TBC1D24: variants seen among roughly 807,000 people sequenced by gnomAD.
TBC1D24 encodes the protein Infantile myoclonic epilepsy.
TBC1D24 carries 47 observed loss-of-function variants against 50.7 expected under a neutral mutation model. The observed-to-expected ratio is 0.93, with a 90% CI of 0.73 to 1.18. The LOEUF is 1.18. TBC1D24 is among the 50% of genes most tolerant of loss of function. The probability of loss-of-function intolerance (pLI) is 0.00; values close to 1 mark genes in which losing one functional copy is unlikely to be tolerated. For synonymous variants in TBC1D24, 324 were observed against 335.2 expected, an observed-to-expected ratio of 0.97 and a Z score of 0.36; for missense variants, 688 against 766.5, an observed-to-expected ratio of 0.90 and a Z score of 1.21.
Position 2,498,287 on chromosome 16 carries a change from G to A in TBC1D24, c.1033G>A (p.Val345Ile), listed in dbSNP as rs777515811. The A allele has an allele frequency of 1.9e-6, 3 of 1,611,778 alleles. No individual in the cohort carries two copies. The highest frequency in any genetic ancestry group is 2.5e-6 in the Non-Finnish European group (3 of 1,178,980). ...VHAENFRSEIVSVREMRDIWS... is the reference protein window; with the variant it reads ...VHAENFRSEIISVREMRDIWS... ...TGCAGAGAACTTCCGCTCGGAGATC[G>A]TCAGCGTGAGGGAGATGAGAGACAT... Residue 345 changes from valine (V) to isoleucine (I), a missense_variant, in exon 4 of 8, where the codon GTC becomes ATC. Coordinates refer to ENST00000646147, the MANE Select transcript of TBC1D24 (RefSeq NM_001199107.2).
intron 1 of TBC1D24, among the ~76,000 whole-genome samples, chr16:2,494,446 AT>A (rs1430483162): frequency 6.6e-6 from 1 of 151,468 alleles, no homozygotes; most frequent in African/African-American, 2.4e-5. Context: ...AGAACGAAGC[AT>A]CTCTTTGCTC....
rs2065615763 is a variant in TBC1D24, at chr16:2,482,288, G to A, written c.-116+7118G>A. On this transcript the variant is annotated intron_variant, in intron 1 of 7. Transcript: ENST00000646147. This position sits in a 1 kb window ranked among gnomAD's most constrained non-coding sequence, Gnocchi z 5.2. Reference sequence around the variant, plus strand: ...TGCAGAAGTCACGGTGTGGTAGCAGGGCTGGGTGGATAAGCCAGCACCACG... The same window carrying A: ...TGCAGAAGTCACGGTGTGGTAGCAGAGCTGGGTGGATAAGCCAGCACCACG... 6.6e-6 allele frequency: 1 copy of A among 152,438 alleles called. No individual in the cohort carries two copies. Among genetic ancestry groups the A allele is most frequent in the Admixed American group, 6.5e-5 (1 of 15,282 alleles). The allele number at this position is 152,438 out of a possible 1,614,324, so 9.4% of individuals were successfully genotyped here. A position where few individuals can be genotyped will look rare whatever the true frequency, so the allele number is the denominator to read the frequency against.
chr16:2,491,611 G>C (rs781767647), intron 1 of TBC1D24, among the ~76,000 whole-genome samples: 1 of 149,354 alleles, frequency 6.7e-6, no homozygotes, highest in African/African-American at 2.5e-5. Flanking sequence ...CTAGAGTGCA[G>C]TGGCTCCATC....
intron 1 of TBC1D24, among the ~76,000 whole-genome samples, chr16:2,495,153 G>C (rs989099794): frequency 2.0e-5 from 3 of 152,146 alleles, no homozygotes; most frequent in Admixed American, 2.0e-4. Context: ...AGGAGTTTAA[G>C]ACCAGTCTGG....
chr16:2,488,581 G>T (rs528370346), intron 1 of TBC1D24, among the ~76,000 whole-genome samples: 1 of 133,916 alleles, frequency 7.5e-6, no homozygotes, highest in Non-Finnish European at 1.5e-5. Context: ...GTGCAATCTC[G>T]GCTCACTGGA....
rs895224486 is a variant in TBC1D24 at position 2,485,764 on chromosome 16, AC to A, written c.-115-10265del. Among the ~76,000 whole-genome samples, 6 of 151,958 alleles carry A rather than the reference AC, an allele frequency of 3.9e-5. No individual in the cohort carries two copies. The highest frequency in any genetic ancestry group is 1.5e-4 in the African/African-American group (6 of 41,360). The stretch of plus-strand genomic sequence containing the variant: ...AATGGATTGCTTGCTGCCGGGAGAA[AC>A]CCCCGCATCTTCTGGGTCGCAGATC... On this transcript the variant is annotated intron_variant, in intron 1 of 7. Coordinates refer to ENST00000646147, the MANE Select transcript of TBC1D24 (RefSeq NM_001199107.2). This position sits in a 1 kb window ranked among gnomAD's most constrained non-coding sequence, Gnocchi z 4.6.
rs2065655943 is a variant in TBC1D24 at position 2,487,028 on chromosome 16, G to C, written c.-115-9006G>C. ...GATTTTTGTAAACGCAGATCTGATCGGGTCACCTGCCTAGACTTTCCTCCT... is the reference window on the plus strand; with the variant it reads ...GATTTTTGTAAACGCAGATCTGATCCGGTCACCTGCCTAGACTTTCCTCCT... On this transcript the variant is annotated intron_variant, in intron 1 of 7. Transcript: ENST00000646147. This position sits in a 1 kb window ranked among gnomAD's most constrained non-coding sequence, Gnocchi z 4.1. 6.6e-6 allele frequency among the ~76,000 whole-genome samples: 1 copy of C among 152,146 alleles called. No homozygotes were observed. Among genetic ancestry groups the C allele is most frequent in the Non-Finnish European group, 1.5e-5 (1 of 68,030 alleles).
chr16:2,497,622 G>T (rs536368795), intron 2 of TBC1D24, 88 bp from the exon 3 acceptor site: 2 of 1,339,214 alleles, frequency 1.5e-6, no homozygotes, highest in Non-Finnish European at 2.1e-6. Flanking sequence ...GCCAGCAAAG[G>T]CCTGTCGGGG....
rs901354911 is a variant in TBC1D24, at chr16:2,504,414, C to CTTTTTTTTTTTTTTTTTTTTT, written c.*3458_*3478dup. 5 of 125,658 alleles carry CTTTTTTTTTTTTTTTTTTTTT rather than the reference C, an allele frequency of 4.0e-5. 1 individual carries two copies. Among genetic ancestry groups the CTTTTTTTTTTTTTTTTTTTTT allele is most frequent in the African/African-American group, 1.3e-4 (4 of 29,984 alleles). 7.8% of individuals were successfully genotyped at this position (125,658 alleles called of 1,614,324 possible). Reference sequence around the variant, plus strand: ...AACCACAGGCCTATTGAGATTGTCCCTTTTTTTTTTTTTTTTTTTTTTGAG... The same window carrying CTTTTTTTTTTTTTTTTTTTTT: ...AACCACAGGCCTATTGAGATTGTCCCTTTTTTTTTTTTTTTTTTTTTTTTTTTTTTTTTTTTTTTTTTTGAG... On this transcript the variant is annotated 3_prime_UTR_variant, in exon 8 of 8. Coordinates refer to ENST00000646147, the MANE Select transcript of TBC1D24 (RefSeq NM_001199107.2).
chr16:2,501,122 T>C lies in TBC1D24; in HGVS notation c.*164T>C. ...CGTTGCCTGGACCTGCTGCTGCCTC[T>C]ACCTGGGGTTTGGGCTGGGCTTCCC... On this transcript the variant is annotated 3_prime_UTR_variant, in exon 8 of 8. Coordinates refer to ENST00000646147, the MANE Select transcript of TBC1D24 (RefSeq NM_001199107.2). 2.2e-6 allele frequency: 2 copies of C among 895,416 alleles called. No homozygotes were observed. The highest frequency in any genetic ancestry group is 3.4e-6 in the Non-Finnish European group (2 of 595,768). The allele number at this position is 895,416 out of a possible 1,614,324, so 55.5% of individuals were successfully genotyped here. A position where few individuals can be genotyped will look rare whatever the true frequency, so the allele number is the denominator to read the frequency against.
intron 1 of TBC1D24, among the ~76,000 whole-genome samples, chr16:2,494,743 C>T (rs550771765): frequency 6.6e-5 from 10 of 152,240 alleles, no homozygotes; most frequent in African/African-American, 2.4e-4. Flanking sequence ...AACTCTATCT[C>T]TAGCCTCTCA....
chr16:2,500,129 C>A lies in TBC1D24; in HGVS notation c.1303-139C>A. 1.0e-6 allele frequency: 1 copy of A among 989,390 alleles called. No individual in the cohort carries two copies. Among genetic ancestry groups the A allele is most frequent in the Non-Finnish European group, 1.6e-6 (1 of 640,868 alleles). The allele number at this position is 989,390 out of a possible 1,614,324, so 61.3% of individuals were successfully genotyped here. A position where few individuals can be genotyped will look rare whatever the true frequency, so the allele number is the denominator to read the frequency against. ...AGGGGGCTTCATCTGCTCGAGCCACCAGCTCCCCAGCCCCTGGCTCGGGCT... is the reference window on the plus strand; with the variant it reads ...AGGGGGCTTCATCTGCTCGAGCCACAAGCTCCCCAGCCCCTGGCTCGGGCT... On this transcript the variant is annotated intron_variant, in intron 6 of 7. Transcript: ENST00000646147. This position sits in a 1 kb window ranked among gnomAD's most constrained non-coding sequence, Gnocchi z 8.0.
In TBC1D24 at chr16:2,497,709, G is replaced by T; in HGVS notation, c.966-1G>T. ...GTCCGTTGCTTTCTCCTGTTTTTCA[G>T]TGTGTCACTTTCTAAAAGGTAGGTC... is the stretch of plus-strand genomic sequence containing the variant. On this transcript the variant is annotated splice_acceptor_variant, in intron 2 of 7. Transcript: ENST00000646147. LOFTEE classifies it high-confidence loss of function. 1 of 1,536,104 alleles carries T rather than the reference G, an allele frequency of 6.5e-7. No individual in the cohort carries two copies. Among genetic ancestry groups the T allele is most frequent in the Non-Finnish European group, 8.7e-7 (1 of 1,146,884 alleles).
In TBC1D24 at chr16:2,503,513, A is replaced by C. The variant is rs1203345713; in HGVS notation, c.*2555A>C. 6.7e-6 allele frequency: 1 copy of C among 149,534 alleles called. No individual in the cohort carries two copies. The highest frequency in any genetic ancestry group is 1.5e-5 in the Non-Finnish European group (1 of 67,542). The allele number at this position is 149,534 out of a possible 1,614,324, so 9.3% of individuals were successfully genotyped here. A position where few individuals can be genotyped will look rare whatever the true frequency, so the allele number is the denominator to read the frequency against. ...AAAAAAAAAAAGCCAACATTTGTTGAAACTGCATAATAAATTATCATTTGT... is the reference window on the plus strand; with the variant it reads ...AAAAAAAAAAAGCCAACATTTGTTGCAACTGCATAATAAATTATCATTTGT... On this transcript the variant is annotated 3_prime_UTR_variant, in exon 8 of 8. Transcript: ENST00000646147.
Position 2,500,359 on chromosome 16 carries a change from C to A in TBC1D24, c.1394C>A (p.Ala465Asp). The part of the protein sequence containing the change: ...PPPLMAAEPT[A>D]PLSHSASSDP... Reference sequence around the variant, plus strand: ...CCCTTGATGGCTGCCGAGCCCACCGCCCCACTCAGCCACTCCGCCTCCTCA... The same window carrying A: ...CCCTTGATGGCTGCCGAGCCCACCGACCCACTCAGCCACTCCGCCTCCTCA... The change falls in exon 7 of 8, where the codon GCC (alanine) becomes GAC (aspartate). Residue 465 changes from alanine (A) to aspartate (D), a missense_variant. Transcript: ENST00000646147. This position sits in a 1 kb window ranked among gnomAD's most constrained non-coding sequence, Gnocchi z 8.0. 1 of 1,609,386 alleles carries A rather than the reference C, an allele frequency of 6.2e-7. No homozygotes were observed. Among genetic ancestry groups the A allele is most frequent in the South Asian group, 1.1e-5 (1 of 90,142 alleles).
At chr16:2,493,446 G>A (rs986839802) in intron 1 of TBC1D24, among the ~76,000 whole-genome samples, 1 of 152,142 alleles carries the variant, frequency 6.6e-6, no homozygotes, top group Admixed American at 6.5e-5. Context: ...GCCTAACATG[G>A]TAAATTTTAT....
Position 2,500,604 on chromosome 16 carries a change from G to T in TBC1D24, c.1525+114G>T. On this transcript the variant is annotated intron_variant, in intron 7 of 7. Coordinates refer to ENST00000646147, the MANE Select transcript of TBC1D24 (RefSeq NM_001199107.2). The surrounding 1 kb of genome is among the most constrained non-coding windows in gnomAD (Gnocchi z 8.0). ...CAGAGAAGAGGCCCTGGGTGTCAGG[G>T]TGGACCAGGCATGATGGGTGGGAGG... The T allele has an allele frequency of 7.5e-7, 1 of 1,332,210 alleles. No individual in the cohort carries two copies. The highest frequency in any genetic ancestry group is 1.0e-6 in the Non-Finnish European group (1 of 979,746). The allele number at this position is 1,332,210 out of a possible 1,614,324, so 82.5% of individuals were successfully genotyped here.
rs559733940 is a variant in TBC1D24 at position 2,478,727 on chromosome 16, G to A, written c.-116+3557G>A. The A allele has an allele frequency of 3.0e-4, 45 of 151,962 alleles. 1 individual carries two copies. The highest frequency in any genetic ancestry group is 2.3e-3 in the Admixed American group (35 of 15,276). The allele number at this position is 151,962 out of a possible 1,614,324, so 9.4% of individuals were successfully genotyped here. ...TTTGGGGGAATGGGGCAGGGTAGTG[G>A]GCTTTTTTCTTTTTTTTTTTGTTGA... On this transcript the variant is annotated intron_variant, in intron 1 of 7. Transcript: ENST00000646147.
Position 2,487,281 on chromosome 16 carries a change from C to T in TBC1D24, c.-115-8753C>T, listed in dbSNP as rs1471217423. 1.3e-5 allele frequency among the ~76,000 whole-genome samples: 2 copies of T among 152,206 alleles called. No individual in the cohort carries two copies. The highest frequency in any genetic ancestry group is 2.9e-5 in the Non-Finnish European group (2 of 68,040). ...CGTGGTTGACAGCCTTCTCTCAAGCCGCCTCTCCCTGGCACAGAGGCGGCA... is the reference window on the plus strand; with the variant it reads ...CGTGGTTGACAGCCTTCTCTCAAGCTGCCTCTCCCTGGCACAGAGGCGGCA... On this transcript the variant is annotated intron_variant, in intron 1 of 7. Transcript: ENST00000646147. This position sits in a 1 kb window ranked among gnomAD's most constrained non-coding sequence, Gnocchi z 4.1.
Sources: allele counts gnomAD v4.1 joint callset (sites outside exome capture counted in the v4.1 genomes callset), GRCh38; gene constraint gnomAD v4.1.1; non-coding constraint Gnocchi (gnomAD v3.1); transcripts MANE v1.5; gene names NCBI Gene and HGNC (gene_info 2026-07-23, HGNC 2026-07-21).